MACROD2: variants seen among roughly 807,000 people sequenced by gnomAD.
MACROD2 encodes ADP-ribose glycohydrolase MACROD2.
MACROD2 carries 36 observed loss-of-function variants against 70.4 expected under a neutral mutation model. The ratio of observed to expected loss-of-function variants is 0.51; its 90% CI spans 0.39 to 0.68. The LOEUF (loss-of-function observed/expected upper bound fraction) is 0.68. Ranked by LOEUF, MACROD2 falls within the 30% of genes least tolerant of loss-of-function variation. The pLI is 0.00. For missense variants in MACROD2, 496 were observed against 538.4 expected (o/e 0.92, Z 0.78); for synonymous variants, 172 against 178.8 (o/e 0.96, Z 0.30).
At chr20:14,317,625 A>G (rs964751858) in intron 3 of MACROD2, among the ~76,000 whole-genome samples, 6 of 151,760 alleles carry the variant, frequency 4.0e-5, no homozygotes, top group Non-Finnish European at 8.8e-5. Flanking sequence ...TCAAAAAAAA[A>G]AAAAAAAAAA....
chr20:14,326,971 T>A lies in MACROD2; in HGVS notation c.272-166508T>A. The stretch of plus-strand genomic sequence containing the variant: ...TATGCGATTATCATCCAAGCGTAGT[T>A]CTTCTATAGTCCTGGGCAAACCCCA... On this transcript the variant is annotated intron_variant, in intron 3 of 17. Transcript: ENST00000684519. The surrounding 1 kb of genome is among the most constrained non-coding windows in gnomAD (Gnocchi z 5.5). 3 of 1,613,770 alleles carry A rather than the reference T, an allele frequency of 1.9e-6. No homozygotes were observed. Among genetic ancestry groups the A allele is most frequent in the Non-Finnish European group, 2.5e-6 (3 of 1,179,790 alleles).
chr20:14,251,334 G>T (rs2082010831), intron 3 of MACROD2, among the ~76,000 whole-genome samples: 1 of 152,158 alleles, frequency 6.6e-6, no homozygotes, highest in East Asian at 1.9e-4. Flanking sequence ...AATGTTCTGT[G>T]TACTCTTAAT....
intron 2 of MACROD2, among the ~76,000 whole-genome samples, chr20:14,076,036 C>T (rs1032372856): frequency 2.0e-4 from 31 of 152,206 alleles, no homozygotes; most frequent in African/African-American, 7.5e-4. Context: ...TAATTTGTTC[C>T]ATTTATCAAG....
In MACROD2 at chr20:14,462,926, T is replaced by G. The variant is rs1340728014; in HGVS notation, c.272-30553T>G. 2.6e-5 allele frequency among the ~76,000 whole-genome samples: 4 copies of G among 152,232 alleles called. No individual in the cohort carries two copies. In the East Asian group the frequency reaches 5.8e-4, roughly 22 times the overall value. On this transcript the variant is annotated intron_variant, in intron 3 of 17. Coordinates refer to ENST00000684519, the MANE Select transcript of MACROD2 (RefSeq NM_001351661.2). ...TTTTGGTACCAGTACCATGCTGTTTTGGTTACTGTAGCCTTGTAGTATAGT... is the reference window on the plus strand; with the variant it reads ...TTTTGGTACCAGTACCATGCTGTTTGGGTTACTGTAGCCTTGTAGTATAGT...
At chr20:15,126,768 G>A (rs901214670) in intron 5 of MACROD2, among the ~76,000 whole-genome samples, 2 of 152,046 alleles carry the variant, frequency 1.3e-5, no homozygotes, top group Non-Finnish European at 2.9e-5. Context: ...ATGTATCTGA[G>A]TCCTCATGTC....
intron 3 of MACROD2, among the ~76,000 whole-genome samples, chr20:14,188,558 C>T (rs1301766593): frequency 6.6e-6 from 1 of 151,988 alleles, no homozygotes; most frequent in Non-Finnish European, 1.5e-5. Flanking sequence ...CTTATAAAAA[C>T]AAATTTTCTT....
chr20:15,210,263 G>C (rs2076749990), intron 5 of MACROD2, among the ~76,000 whole-genome samples: 1 of 152,226 alleles, frequency 6.6e-6, no homozygotes, highest in East Asian at 1.9e-4. Context: ...TTATTGGTAA[G>C]AAAGGCAGTC....
At chr20:15,007,028 A>G (rs2075043464) in intron 5 of MACROD2, among the ~76,000 whole-genome samples, 1 of 151,656 alleles carries the variant, frequency 6.6e-6, no homozygotes, top group East Asian at 1.9e-4. Context: ...CTGTCAAAGT[A>G]GGTTTGGGTG....
intron 6 of MACROD2, among the ~76,000 whole-genome samples, chr20:15,383,078 A>G (rs1171075887): frequency 1.3e-5 from 2 of 152,238 alleles, no homozygotes; most frequent in Non-Finnish European, 1.5e-5. Context: ...TGAAAATTCC[A>G]GAAGGTAGGA....
chr20:15,732,595 G>A (rs1715147004), intron 8 of MACROD2, among the ~76,000 whole-genome samples: 2 of 152,170 alleles, frequency 1.3e-5, no homozygotes, highest in South Asian at 2.1e-4. Flanking sequence ...ACTTTTGAAT[G>A]TTGAATCATT....
chr20:15,209,438 T>C (rs939873460), intron 5 of MACROD2, among the ~76,000 whole-genome samples: 4 of 152,162 alleles, frequency 2.6e-5, no homozygotes, highest in Non-Finnish European at 5.9e-5. Context: ...TCTTGGTGAG[T>C]GCTAAAGTTA....
chr20:14,796,122 TCTGAGGAAGAA>T (rs1172736902), intron 5 of MACROD2, among the ~76,000 whole-genome samples: 2 of 152,092 alleles, frequency 1.3e-5, no homozygotes, highest in Non-Finnish European at 2.9e-5. Context: ...TTTTGTCAAG[TCTGAGGAAGAA>T]CTGTCTGCTG....
intron 8 of MACROD2, among the ~76,000 whole-genome samples, chr20:15,714,953 T>G (rs904010437): frequency 2.6e-5 from 4 of 152,132 alleles, no homozygotes; most frequent in African/African-American, 9.7e-5. Flanking sequence ...TTTAAAGAGA[T>G]CAAGAAGTCT....
intron 4 of MACROD2, among the ~76,000 whole-genome samples, chr20:14,506,769 T>G (rs2084973425): frequency 1.3e-5 from 2 of 152,004 alleles, no homozygotes; most frequent in Admixed American, 1.3e-4. Flanking sequence ...GCTAACACAG[T>G]GAAACCCTGC....
At position 15,247,186 on chromosome 20, in the gene MACROD2, G is replaced by A. The variant is rs927532644; in HGVS notation, c.540+17125G>A. On this transcript the variant is annotated intron_variant, in intron 6 of 17. Transcript: ENST00000684519. ...CACACTGTTAAATGGCAAATTTTAT[G>A]GTATTTGAATTATATTACAATTTAA... is the stretch of plus-strand genomic sequence containing the variant. Among the ~76,000 whole-genome samples, 6 of 152,038 alleles carry A rather than the reference G, an allele frequency of 3.9e-5. No homozygotes were observed. The East Asian group carries it at 1.2e-3, about 29-fold the overall frequency.
intron 10 of MACROD2, among the ~76,000 whole-genome samples, chr20:15,904,612 G>A (rs981926362): frequency 2.6e-5 from 4 of 151,848 alleles, no homozygotes; most frequent in Non-Finnish European, 4.4e-5. Flanking sequence ...AAAGAAAGAG[G>A]CCAGGCGCGG....
chr20:15,368,148 G>T (rs1363061034), intron 6 of MACROD2, among the ~76,000 whole-genome samples: 1 of 152,104 alleles, frequency 6.6e-6, no homozygotes, highest in Non-Finnish European at 1.5e-5. Context: ...AAACTCATTG[G>T]TTCTGAAAAT....
chr20:15,479,356 T>C (rs2047064935), intron 7 of MACROD2, among the ~76,000 whole-genome samples: 1 of 137,740 alleles, frequency 7.3e-6, no homozygotes, highest in African/African-American at 2.8e-5. Context: ...CACTGCAAGC[T>C]CCGCCTCCCG....
chr20:15,401,860 G>T lies in MACROD2; in HGVS notation c.541-29545G>T, dbSNP rs150697583. Reference sequence around the variant, plus strand: ...GAGACCTTGGGGGAATGATCCCAGTGATGGATAGTTGAGATGCAGATCAAC... The same window carrying T: ...GAGACCTTGGGGGAATGATCCCAGTTATGGATAGTTGAGATGCAGATCAAC... On this transcript the variant is annotated intron_variant, in intron 6 of 17. Coordinates refer to ENST00000684519, the MANE Select transcript of MACROD2 (RefSeq NM_001351661.2). Among the ~76,000 whole-genome samples, 383 of 152,318 alleles carry T rather than the reference G, an allele frequency of 2.5e-3. 1 individual carries two copies. The highest frequency in any genetic ancestry group is 4.1e-3 in the Admixed American group (63 of 15,304).
Sources: gnomAD v4.1 joint callset for allele counts (sites outside exome capture counted in the v4.1 genomes callset) on GRCh38, gnomAD v4.1.1 for gene constraint, Gnocchi (gnomAD v3.1) non-coding constraint, MANE v1.5 for transcripts, NCBI Gene and HGNC (gene_info 2026-07-23, HGNC 2026-07-21) for gene names.